Variants in VANGL1 observed in about 807,000 individuals in gnomAD.
The protein encoded by VANGL1 is vang-like protein 1.
A neutral mutation model predicts 48.4 loss-of-function variants in VANGL1; 18 were observed. The observed-to-expected ratio is 0.37, with a 90% confidence interval of 0.26 to 0.55. The LOEUF (loss-of-function observed/expected upper bound fraction) is 0.55. VANGL1 is among the 20% of genes least tolerant of loss of function. The pLI is 0.81. For missense variants in VANGL1, 667 were observed against 675.8 expected, an observed-to-expected ratio of 0.99 and a Z score of 0.14; for synonymous variants, 257 against 261.8, an observed-to-expected ratio of 0.98 and a Z score of 0.18.
chr1:115,691,010 G>A, intron 7 of VANGL1, 109 bp from the exon 8 acceptor site: 2 of 1,495,206 alleles, frequency 1.3e-6, no homozygotes, highest in Non-Finnish European at 1.8e-6. Context: ...GTCTAAGCTG[G>A]TTTATTTGGA....
rs57758037 is a variant in VANGL1 at position 115,651,252 on chromosome 1, CT to C, written c.-137-16del. On this transcript the variant is annotated intron_variant, in intron 1 of 7. Transcript: ENST00000355485. ...TAAGGTTGGCTCTGAAGATTAATGT[CT>C]TTTTTTTTCCCCCTCTTTCCCAGAA... 0.015 allele frequency: 9,541 copies of C among 639,422 alleles called. 595 individuals are homozygous for C. The African/African-American group carries it at 0.16, about 10-fold the overall frequency. 39.6% of individuals were successfully genotyped at this position (639,422 alleles called of 1,614,324 possible).
At chr1:115,659,307 T>A (rs1229314053) in intron 2 of VANGL1, among the ~76,000 whole-genome samples, 1 of 152,154 alleles carries the variant, frequency 6.6e-6, no homozygotes, top group Non-Finnish European at 1.5e-5. Context: ...ATCAAATCAC[T>A]AATTATTACA....
chr1:115,651,252 C>CT (rs57758037), intron 1 of VANGL1, 25 bp from the exon 2 acceptor site: 407 of 639,082 alleles, frequency 6.4e-4, no homozygotes, highest in Non-Finnish European at 8.3e-4. Flanking sequence ...AGATTAATGT[C>CT]TTTTTTTTTC....
chr1:115,671,571 C>T (rs983478384), intron 4 of VANGL1, among the ~76,000 whole-genome samples: 2 of 152,190 alleles, frequency 1.3e-5, no homozygotes, highest in Non-Finnish European at 2.9e-5. Flanking sequence ...TTAGAGCACC[C>T]TAAGCAGGCT....
chr1:115,646,653 C>A (rs1245222705), intron 1 of VANGL1, among the ~76,000 whole-genome samples: 1 of 151,994 alleles, frequency 6.6e-6, no homozygotes, highest in East Asian at 1.9e-4. Flanking sequence ...TGCCACAAAA[C>A]CCTTCATTCA....
intron 4 of VANGL1, among the ~76,000 whole-genome samples, chr1:115,669,089 T>C (rs1202228832): frequency 1.3e-5 from 2 of 152,222 alleles, no homozygotes; most frequent in African/African-American, 2.4e-5. Context: ...TATTGATTTC[T>C]ACATCTTAAA....
At chr1:115,678,667 G>A (rs965035873) in intron 4 of VANGL1, among the ~76,000 whole-genome samples, 2 of 152,138 alleles carry the variant, frequency 1.3e-5, no homozygotes, top group African/African-American at 4.8e-5. Context: ...TCAAAACGAT[G>A]AAGAAAGGCC....
intron 2 of VANGL1, among the ~76,000 whole-genome samples, chr1:115,653,314 C>A (rs1652222537): frequency 6.6e-6 from 1 of 152,134 alleles, no homozygotes; most frequent in Non-Finnish European, 1.5e-5. Context: ...GAGCCCAGCT[C>A]CTGAGACAGT....
At chr1:115,682,125 A>G (rs1050715193) in intron 4 of VANGL1, among the ~76,000 whole-genome samples, 1 of 152,216 alleles carries the variant, frequency 6.6e-6, no homozygotes, top group Non-Finnish European at 1.5e-5. Flanking sequence ...AAAGGGCTAG[A>G]TGGGATGTGG....
intron 4 of VANGL1, among the ~76,000 whole-genome samples, chr1:115,673,916 C>T (rs191072138): frequency 3.9e-5 from 6 of 152,084 alleles, no homozygotes; most frequent in Admixed American, 6.6e-5. Flanking sequence ...TTTTCTTATA[C>T]GGATACCAGA....
intron 1 of VANGL1, among the ~76,000 whole-genome samples, chr1:115,649,476 ACT>A (rs1162129842): frequency 2.0e-5 from 3 of 152,004 alleles, no homozygotes; most frequent in Non-Finnish European, 2.9e-5. Context: ...CGGCACAGAG[ACT>A]CTGCTCTGCT....
At chr1:115,679,155 C>G (rs1299145503) in intron 4 of VANGL1, among the ~76,000 whole-genome samples, 5 of 152,330 alleles carry the variant, frequency 3.3e-5, no homozygotes, top group Admixed American at 1.3e-4. Context: ...TTATCAACTT[C>G]ACCCTGAGAT....
At position 115,694,148 on chromosome 1, in the gene VANGL1, T is replaced by C. The variant is rs557250209; in HGVS notation, c.*2769T>C. On this transcript the variant is annotated 3_prime_UTR_variant, in exon 8 of 8. Transcript: ENST00000355485. ...GTTCTGTATGCATTCTCAGAGAGGA[T>C]TTTAAAGCTATATAGTTCATCCATC... 4.6e-5 allele frequency: 7 copies of C among 152,336 alleles called. No homozygotes were observed. Among genetic ancestry groups the C allele is most frequent in the South Asian group, 4.1e-4 (2 of 4,826 alleles). 9.4% of individuals were successfully genotyped at this position (152,336 alleles called of 1,614,324 possible).
chr1:115,643,072 A>G (rs1651796997), intron 1 of VANGL1, among the ~76,000 whole-genome samples: 1 of 152,178 alleles, frequency 6.6e-6, no homozygotes, highest in Non-Finnish European at 1.5e-5. Flanking sequence ...CTCCTTAGGA[A>G]GTGTTAGAGC....
In VANGL1 at chr1:115,655,930, T is replaced by C. The variant is rs553272988; in HGVS notation, c.72-3711T>C. The stretch of plus-strand genomic sequence containing the variant: ...CCAGGATTTTTGCAGAGTGTCACTA[T>C]GAAGTCCTGACTTGGCTCAGAGACC... On this transcript the variant is annotated intron_variant, in intron 2 of 7. Transcript: ENST00000355485. 2.0e-5 allele frequency among the ~76,000 whole-genome samples: 3 copies of C among 152,386 alleles called. No individual in the cohort carries two copies. The East Asian group carries it at 5.8e-4, about 29-fold the overall frequency.
In VANGL1 at chr1:115,669,530, G is replaced by A. The variant is rs10923150; in HGVS notation, c.812+5262G>A. On this transcript the variant is annotated intron_variant, in intron 4 of 7. Transcript: ENST00000355485. ...TGGGAGTTCATTGAATCACGGGGGC[G>A]ATTTCCCCCATACTGTTCCTGTGGT... Among the ~76,000 whole-genome samples the A allele has an allele frequency of 9.2e-4, 140 of 152,256 alleles. 1 individual carries two copies. The highest frequency in any genetic ancestry group is 3.2e-3 in the African/African-American group (131 of 41,534).
chr1:115,689,296 G>GA lies in VANGL1; in HGVS notation c.1315-1816dup, dbSNP rs544558386. Among the ~76,000 whole-genome samples, 182 of 136,414 alleles carry GA rather than the reference G, an allele frequency of 1.3e-3. 34 individuals are homozygous for GA. The highest frequency in any genetic ancestry group is 5.0e-3 in the African/African-American group (180 of 36,322). 89.5% of individuals were successfully genotyped at this position (136,414 alleles called of 152,430 possible). A position where few individuals can be genotyped will look rare whatever the true frequency, so the allele number is the denominator to read the frequency against. ...GCCTTACAATAGATGCTCCACAGAT[G>GA]AAAAAAATATATACCTGGCAGTAGC... On this transcript the variant is annotated intron_variant, in intron 7 of 7. Coordinates refer to ENST00000355485, the MANE Select transcript of VANGL1 (RefSeq NM_138959.3).
chr1:115,647,643 C>T (rs1299391496), intron 1 of VANGL1, among the ~76,000 whole-genome samples: 1 of 152,058 alleles, frequency 6.6e-6, no homozygotes, highest in Admixed American at 6.6e-5. Flanking sequence ...GGTGAGGACA[C>T]CTGGAGGCTT....
rs1653556700 is a variant in VANGL1 at position 115,685,327 on chromosome 1, A to T, written c.1114A>T (p.Ile372Phe). The change falls in exon 7 of 8, where the codon ATT (isoleucine) becomes TTT (phenylalanine). Residue 372 changes from isoleucine to phenylalanine, a missense_variant. By Grantham distance (21) the Ile-to-Phe change is conservative. Coordinates refer to ENST00000355485, the MANE Select transcript of VANGL1 (RefSeq NM_138959.3). ...VVAVEEAFIHIQRLQAEEQQK... is the reference protein window; with the variant it reads ...VVAVEEAFIHFQRLQAEEQQK... ...TGCAGTGGAAGAGGCCTTCATCCAC[A>T]TTCAGCGTCTCCAGGCTGAGGAGCA... The T allele has an allele frequency of 1.6e-5, 26 of 1,614,174 alleles. No individual in the cohort carries two copies. The highest frequency in any genetic ancestry group is 2.0e-5 in the Non-Finnish European group (24 of 1,180,030).
Sources: gnomAD v4.1 joint callset for allele counts (sites outside exome capture counted in the v4.1 genomes callset) on GRCh38, gnomAD v4.1.1 for gene constraint, MANE v1.5 for transcripts, NCBI Gene and HGNC (gene_info 2026-07-23, HGNC 2026-07-21) for gene names.